Variants in DMD observed in about 807,000 individuals in gnomAD.
DMD encodes the protein mutant dystrophin.
Under a neutral mutation model 330.1 loss-of-function variants are expected in DMD, and 63 were observed. The observed-to-expected ratio is 0.19, with a 90% CI of 0.16 to 0.24. DMD has a LOEUF of 0.24. Ranked by LOEUF, DMD falls within the 10% of genes least tolerant of loss-of-function variation. The pLI is 1.00. For synonymous variants in DMD, 1,223 were observed against 959.8 expected (o/e 1.27, Z -5.07); for missense variants, 3,344 against 2,684.1 (o/e 1.25, Z -5.43).
intron 16 of DMD, among the ~76,000 whole-genome samples, chrX:32,548,760 CTGTT>C (rs1443467283): frequency 2.7e-5 from 3 of 111,482 alleles, no homozygotes; most frequent in Non-Finnish European, 5.7e-5. Flanking sequence ...TTTTGCCAAA[CTGTT>C]TGTTTTAAAT....
At chrX:33,250,467 G>T (rs1381074129) in intron 1 of DMD, among the ~76,000 whole-genome samples, 1 of 110,595 alleles carries the variant, frequency 9.0e-6, no homozygotes, top group East Asian at 2.8e-4. Flanking sequence ...TGTGCAGCTG[G>T]GTTCCTAACA....
At chrX:32,217,106 T>C in intron 43 of DMD, 43 bp from the exon 44 acceptor site, 1 of 1,163,963 alleles carries the variant, frequency 8.6e-7, no homozygotes, top group Non-Finnish European at 1.2e-6. Flanking sequence ...AGATGGATTA[T>C]GTAAAACAGA....
At chrX:32,963,984 G>A (rs966318045) in intron 2 of DMD, among the ~76,000 whole-genome samples, 17 of 111,209 alleles carry the variant, frequency 1.5e-4, no homozygotes, top group African/African-American at 3.9e-4. Context: ...GTCGGGTGCG[G>A]TGGCTCACGC....
At chrX:32,794,098 C>T (rs2076016366) in intron 7 of DMD, among the ~76,000 whole-genome samples, 1 of 111,898 alleles carries the variant, frequency 8.9e-6, no homozygotes, top group African/African-American at 3.3e-5. Context: ...TGACATATTA[C>T]ATCAAACAGA....
chrX:32,507,761 A>G (rs1046878579), intron 18 of DMD, among the ~76,000 whole-genome samples: 2 of 111,812 alleles, frequency 1.8e-5, no homozygotes, highest in Admixed American at 1.9e-4. Flanking sequence ...TTATGTACAT[A>G]ATTTCCATAT....
chrX:31,513,764 T>TG (rs2071899558), intron 55 of DMD, among the ~76,000 whole-genome samples: 1 of 111,729 alleles, frequency 9.0e-6, no homozygotes, highest in Non-Finnish European at 1.9e-5. Flanking sequence ...TGAACCTTAC[T>TG]GTACATCAGG....
intron 2 of DMD, among the ~76,000 whole-genome samples, chrX:32,918,238 A>G (rs1037152097): frequency 1.5e-4 from 17 of 111,960 alleles, no homozygotes; most frequent in Non-Finnish European, 3.8e-5. Context: ...ATGACTGTAT[A>G]TTAAATAATT....
chrX:32,592,393 G>A (rs1015742481), intron 13 of DMD, among the ~76,000 whole-genome samples: 1 of 111,137 alleles, frequency 9.0e-6, no homozygotes, highest in Non-Finnish European at 1.9e-5. Flanking sequence ...GCAGGAAGGA[G>A]CTACCTACTT....
intron 44 of DMD, among the ~76,000 whole-genome samples, chrX:32,189,370 CA>C (rs201007036): frequency 0.13 from 10,250 of 81,877 alleles, 648 homozygotes; most frequent in East Asian, 0.32. Context: ...CAGCAAACTA[CA>C]AAAAAAAAAA....
At chrX:32,655,601 A>T (rs1165603151) in intron 9 of DMD, among the ~76,000 whole-genome samples, 2 of 111,996 alleles carry the variant, frequency 1.8e-5, no homozygotes, top group Non-Finnish European at 3.8e-5. Context: ...GGTGCTGAGA[A>T]GAATGTATAA....
intron 43 of DMD, among the ~76,000 whole-genome samples, chrX:32,242,568 C>T (rs780114182): frequency 3.6e-5 from 4 of 110,808 alleles, no homozygotes; most frequent in Admixed American, 1.9e-4. Flanking sequence ...ATTATGTACA[C>T]GAAAGATTTA....
intron 2 of DMD, among the ~76,000 whole-genome samples, chrX:33,003,202 C>T (rs771735383): frequency 9.0e-6 from 1 of 110,797 alleles, no homozygotes; most frequent in South Asian, 3.8e-4. Context: ...TATGCCTTTG[C>T]ATCCTCATAG....
intron 42 of DMD, among the ~76,000 whole-genome samples, chrX:32,296,117 C>G (rs764076459): frequency 2.7e-5 from 3 of 112,191 alleles, no homozygotes; most frequent in Non-Finnish European, 5.6e-5. Flanking sequence ...AGCAGCCGGG[C>G]GCGGTGGCTC....
chrX:32,407,316 G>T (rs1257264931), intron 30 of DMD, among the ~76,000 whole-genome samples: 5 of 111,391 alleles, frequency 4.5e-5, no homozygotes, highest in African/African-American at 1.6e-4. Context: ...GTGGGTGAAG[G>T]ATATGAACAG....
chrX:32,520,573 T>G lies in DMD; in HGVS notation c.2169-2442A>C, dbSNP rs199948747. Reference sequence around the variant, plus strand: ...ATTTCCCAGCTCCCTTGCCCCTCAGTTGGACAATCCTGAAGTATGATACAC... The same window carrying G: ...ATTTCCCAGCTCCCTTGCCCCTCAGGTGGACAATCCTGAAGTATGATACAC... On this transcript the variant is annotated intron_variant, in intron 17 of 78. Coordinates refer to ENST00000357033, the MANE Select transcript of DMD (RefSeq NM_004006.3). Among the ~76,000 whole-genome samples, 8 of 111,746 alleles carry G rather than the reference T, an allele frequency of 7.2e-5. No individual in the cohort carries two copies. The East Asian group carries it at 2.3e-3, about 32-fold the overall frequency.
intron 4 of DMD, among the ~76,000 whole-genome samples, 157 bp from the exon 5 acceptor site, chrX:32,823,544 A>T (rs1359919271): frequency 7.1e-5 from 8 of 112,140 alleles, no homozygotes; most frequent in African/African-American, 2.6e-4. Context: ...AACAAAATGC[A>T]TGTGTAAAAT....
intron 77 of DMD, 22 bp from the exon 78 acceptor site, chrX:31,126,695 G>C (rs2147666537): frequency 8.7e-7 from 1 of 1,144,067 alleles, no homozygotes; most frequent in South Asian, 1.8e-5. Flanking sequence ...GAGAGAGGAA[G>C]AGGCAGAGAT....
intron 2 of DMD, among the ~76,000 whole-genome samples, chrX:32,860,141 C>T (rs2081966074): frequency 1.8e-5 from 2 of 111,638 alleles, no homozygotes; most frequent in Non-Finnish European, 3.8e-5. Context: ...CAAAAAGAAA[C>T]ACAGATAGGT....
chrX:31,546,328 T>C (rs2074140448), intron 55 of DMD, among the ~76,000 whole-genome samples: 1 of 112,210 alleles, frequency 8.9e-6, no homozygotes, highest in African/African-American at 3.2e-5. Flanking sequence ...TTAGTCATTT[T>C]GGCTGGGCTA....
Sources: allele counts gnomAD v4.1 joint callset (sites outside exome capture counted in the v4.1 genomes callset), GRCh38; gene constraint gnomAD v4.1.1; transcripts MANE v1.5; gene names NCBI Gene and HGNC (gene_info 2026-07-23, HGNC 2026-07-21).